SLCO1B3: variants seen among roughly 807,000 people sequenced by gnomAD.
The protein encoded by SLCO1B3 is liver-specific organic anion transporter 2.
In SLCO1B3, 72 loss-of-function variants were observed where a neutral mutation model predicts 71.8. The ratio of observed to expected loss-of-function variants is 1.00; its 90% confidence interval spans 0.83 to 1.22. The LOEUF is 1.22. Among genes scored for constraint, SLCO1B3 ranks in the 50% most tolerant of loss-of-function variants. The pLI, the probability that SLCO1B3 is intolerant of heterozygous loss-of-function variation, is 0.00. For missense variants in SLCO1B3, 911 were observed against 819.7 expected (o/e 1.11, Z -1.36); for synonymous variants, 298 against 278.4 (o/e 1.07, Z -0.70).
intron 8 of SLCO1B3, among the ~76,000 whole-genome samples, chr12:20,872,376 T>C (rs1253764978): frequency 2.0e-5 from 3 of 151,830 alleles, no homozygotes; most frequent in Non-Finnish European, 4.4e-5. Context: ...TTCCAAGAGC[T>C]TAGTCCTGGA....
At chr12:20,909,288 C>G (rs1431036510) in intron 15 of SLCO1B3, among the ~76,000 whole-genome samples, 4 of 150,556 alleles carry the variant, frequency 2.7e-5, no homozygotes, top group African/African-American at 9.8e-5. Flanking sequence ...ACCTCAGCCT[C>G]CCGAGTAGCT....
intron 3 of SLCO1B3, among the ~76,000 whole-genome samples, chr12:20,829,370 C>T (rs1224863695): frequency 6.6e-6 from 1 of 152,222 alleles, no homozygotes; most frequent in African/African-American, 2.4e-5. Flanking sequence ...ACTCACCTTC[C>T]CTGCGGGAAG....
chr12:20,829,702 A>C (rs551277348), intron 3 of SLCO1B3, among the ~76,000 whole-genome samples: 1 of 152,316 alleles, frequency 6.6e-6, no homozygotes, highest in East Asian at 1.9e-4. Flanking sequence ...AAGAAAGTAA[A>C]GGAATAAAAG....
intron 3 of SLCO1B3, among the ~76,000 whole-genome samples, chr12:20,836,058 T>C (rs1864674286): frequency 6.6e-6 from 1 of 152,170 alleles, no homozygotes; most frequent in Non-Finnish European, 1.5e-5. Flanking sequence ...GAAGAGTGTG[T>C]ACAGGAGAAC....
chr12:20,832,215 G>A (rs775301860), intron 3 of SLCO1B3, among the ~76,000 whole-genome samples: 1 of 152,014 alleles, frequency 6.6e-6, no homozygotes, highest in African/African-American at 2.4e-5. Flanking sequence ...GTGCATGTGC[G>A]CACACTAATA....
rs1311944957 is a variant in SLCO1B3, at chr12:20,825,725, G to T, written c.84+9903G>T. Reference sequence around the variant, plus strand: ...AAGACAGGAGAATTGCTTGGATTTGGGAGGCAGAGATTGCAGTGAGTCGAG... The same window carrying T: ...AAGACAGGAGAATTGCTTGGATTTGTGAGGCAGAGATTGCAGTGAGTCGAG... On this transcript the variant is annotated intron_variant, in intron 3 of 15. Coordinates refer to ENST00000381545, the MANE Select transcript of SLCO1B3 (RefSeq NM_019844.4). 4.0e-5 allele frequency among the ~76,000 whole-genome samples: 6 copies of T among 150,734 alleles called. 1 individual carries two copies. Among genetic ancestry groups the T allele is most frequent in the Non-Finnish European group, 7.4e-5 (5 of 67,840 alleles).
intron 3 of SLCO1B3, among the ~76,000 whole-genome samples, chr12:20,818,728 G>A (rs1702191220): frequency 6.6e-6 from 1 of 152,226 alleles, no homozygotes; most frequent in African/African-American, 2.4e-5. Flanking sequence ...TGCCTTTGCT[G>A]GTGTGTGGTG....
At chr12:20,829,902 G>A (rs1321114323) in intron 3 of SLCO1B3, among the ~76,000 whole-genome samples, 1 of 152,096 alleles carries the variant, frequency 6.6e-6, no homozygotes, top group African/African-American at 2.4e-5. Context: ...GTAGCAGTGA[G>A]GATGACCAGA....
At chr12:20,869,934 G>A (rs964406056) in intron 8 of SLCO1B3, among the ~76,000 whole-genome samples, 3 of 152,080 alleles carry the variant, frequency 2.0e-5, no homozygotes, top group African/African-American at 7.2e-5. Flanking sequence ...CCAGGTGCAC[G>A]ATTTTGCATT....
At chr12:20,819,182 G>GT (rs1381707913) in intron 3 of SLCO1B3, among the ~76,000 whole-genome samples, 9 of 152,174 alleles carry the variant, frequency 5.9e-5, no homozygotes, top group Non-Finnish European at 1.3e-4. Context: ...TGGCTCTTGT[G>GT]TAAGAATTCT....
At chr12:20,874,387 C>A (rs1244401198) in intron 8 of SLCO1B3, among the ~76,000 whole-genome samples, 2 of 152,126 alleles carry the variant, frequency 1.3e-5, no homozygotes, top group Admixed American at 1.3e-4. Flanking sequence ...TGATGTATAG[C>A]AATCTCTCAG....
In SLCO1B3 at chr12:20,855,123, C is replaced by T; in HGVS notation, c.180C>T (p.Asp60=). The change falls in exon 4 of 16, where the codon GAC becomes GAT. Residue 60 remains aspartate (D), a synonymous_variant. Coordinates refer to ENST00000381545, the MANE Select transcript of SLCO1B3 (RefSeq NM_019844.4). ...TCACTCAAATAGAAAGGAGATTTGACATATCCTCTTCTCTTGCTGGTTTAA... is the reference window on the plus strand; with the variant it reads ...TCACTCAAATAGAAAGGAGATTTGATATATCCTCTTCTCTTGCTGGTTTAA... ...ISITQIERRF[D]ISSSLAGLID... 2 of 1,611,310 alleles carry T rather than the reference C, an allele frequency of 1.2e-6. No individual in the cohort carries two copies. Among genetic ancestry groups the T allele is most frequent in the East Asian group, 2.2e-5 (1 of 44,836 alleles).
intron 8 of SLCO1B3, among the ~76,000 whole-genome samples, chr12:20,864,252 C>T (rs1591768599): frequency 6.6e-6 from 1 of 151,988 alleles, no homozygotes; most frequent in African/African-American, 2.4e-5. Context: ...TCATCAAGAG[C>T]ATGCCTTTAT....
At position 20,880,108 on chromosome 12, in the gene SLCO1B3, T is replaced by A. The variant is rs1591777800; in HGVS notation, c.1331+477T>A. ...ATATTTTATAAATCCTTAATAATTA[T>A]CATATCTTTACAAAACAAATAAAAT... On this transcript the variant is annotated intron_variant, in intron 11 of 15. Transcript: ENST00000381545. Among the ~76,000 whole-genome samples the A allele has an allele frequency of 1.8e-4, 3 of 16,708 alleles. No individual in the cohort carries two copies. In the South Asian group the frequency reaches 0.037, roughly 209 times the overall value. 11.0% of individuals were successfully genotyped at this position (16,708 alleles called of 152,430 possible). A position where few individuals can be genotyped will look rare whatever the true frequency, so the allele number is the denominator to read the frequency against.
At chr12:20,833,978 T>A (rs1591751029) in intron 3 of SLCO1B3, among the ~76,000 whole-genome samples, 1 of 104,762 alleles carries the variant, frequency 9.5e-6, no homozygotes, top group African/African-American at 2.7e-5. Flanking sequence ...TATACATACA[T>A]AGTAAACATA....
chr12:20,844,020 A>G (rs958363885), intron 3 of SLCO1B3, among the ~76,000 whole-genome samples: 1 of 151,680 alleles, frequency 6.6e-6, no homozygotes, highest in Non-Finnish European at 1.5e-5. Flanking sequence ...TATTTTTTAA[A>G]TTTTCTCCTC....
At position 20,891,311 on chromosome 12, in the gene SLCO1B3, G is replaced by A. The variant is rs548765808; in HGVS notation, c.1683-7125G>A. ...GAGCAGTATACAAAATTCTTGGCTG[G>A]CATTTTTTTTTTTCTTTAAGAGACT... is the stretch of plus-strand genomic sequence containing the variant. On this transcript the variant is annotated intron_variant, in intron 13 of 15. Coordinates refer to ENST00000381545, the MANE Select transcript of SLCO1B3 (RefSeq NM_019844.4). Among the ~76,000 whole-genome samples, 19 of 146,310 alleles carry A rather than the reference G, an allele frequency of 1.3e-4. No homozygotes were observed. In the East Asian group the frequency reaches 3.1e-3, roughly 24 times the overall value.
chr12:20,889,005 A>G (rs1285065249), intron 13 of SLCO1B3, among the ~76,000 whole-genome samples: 3 of 151,490 alleles, frequency 2.0e-5, no homozygotes, highest in South Asian at 2.1e-4. Context: ...TTTGATTCGC[A>G]TATGTTGAAC....
At chr12:20,825,868 C>G (rs777481003) in intron 3 of SLCO1B3, among the ~76,000 whole-genome samples, 3 of 149,298 alleles carry the variant, frequency 2.0e-5, no homozygotes, top group Non-Finnish European at 4.5e-5. Flanking sequence ...ACTTTAAAAG[C>G]AACACAGAAA....
Sources: gnomAD v4.1 joint callset for allele counts (sites outside exome capture counted in the v4.1 genomes callset) on GRCh38, gnomAD v4.1.1 for gene constraint, MANE v1.5 for transcripts, NCBI Gene and HGNC (gene_info 2026-07-23, HGNC 2026-07-21) for gene names.